Variants in KIF18A observed in about 807,000 individuals in gnomAD.
KIF18A encodes kinesin family member 18A.
In KIF18A, 67 loss-of-function variants were observed where a neutral mutation model predicts 103.3. The observed-to-expected ratio is 0.65, with a 90% CI of 0.53 to 0.79. The LOEUF is 0.79. KIF18A is among the 30% of genes least tolerant of loss of function. The probability of loss-of-function intolerance (pLI) is 0.00; values close to 1 mark genes in which losing one functional copy is unlikely to be tolerated. For synonymous variants in KIF18A, 367 were observed against 355.5 expected (o/e 1.03, Z -0.36); for missense variants, 1,032 against 1,062.5 (o/e 0.97, Z 0.40).
intron 1 of KIF18A, among the ~76,000 whole-genome samples, chr11:28,102,314 A>G (rs1365089954): frequency 6.6e-6 from 1 of 152,222 alleles, no homozygotes; most frequent in Non-Finnish European, 1.5e-5. Flanking sequence ...CCAGGTCTTT[A>G]GACAAACTCA....
At chr11:28,076,281 T>C (rs975702238) in intron 10 of KIF18A, among the ~76,000 whole-genome samples, 1 of 152,148 alleles carries the variant, frequency 6.6e-6, no homozygotes, top group Non-Finnish European at 1.5e-5. Flanking sequence ...ATCTAACAAT[T>C]TCAGTGATAA....
intron 13 of KIF18A, among the ~76,000 whole-genome samples, chr11:28,041,764 T>C (rs1309665189): frequency 1.3e-5 from 2 of 151,778 alleles, no homozygotes; most frequent in Non-Finnish European, 2.9e-5. Context: ...GGAGCAGTGA[T>C]GGAGAGATGT....
chr11:28,043,638 T>A (rs1412856949), intron 13 of KIF18A, among the ~76,000 whole-genome samples: 2 of 149,108 alleles, frequency 1.3e-5, no homozygotes, highest in African/African-American at 2.5e-5. Context: ...TATAAAAAAA[T>A]GTTCATTAAT....
intron 9 of KIF18A, among the ~76,000 whole-genome samples, chr11:28,077,941 G>C (rs932318432): frequency 2.0e-5 from 3 of 152,088 alleles, no homozygotes; most frequent in African/African-American, 7.2e-5. Context: ...AACTCTGGAT[G>C]GAACCTGCAA....
At chr11:28,077,684 A>G (rs1851112051) in intron 9 of KIF18A, among the ~76,000 whole-genome samples, 1 of 152,152 alleles carries the variant, frequency 6.6e-6, no homozygotes, top group Non-Finnish European at 1.5e-5. Flanking sequence ...TGACAGAGCC[A>G]GTTTTTAGCT....
At chr11:28,076,957 C>G in intron 10 of KIF18A, 50 bp downstream of exon 10, 5 of 708,880 alleles carry the variant, frequency 7.1e-6, no homozygotes, top group South Asian at 7.0e-5. Context: ...AAAAAAAAAG[C>G]CCCCATGTTT....
At chr11:28,076,137 T>C (rs1167382246) in intron 10 of KIF18A, among the ~76,000 whole-genome samples, 1 of 151,994 alleles carries the variant, frequency 6.6e-6, no homozygotes, top group Non-Finnish European at 1.5e-5. Flanking sequence ...ATCTAAGTAG[T>C]GATGTAATCA....
chr11:28,075,173 T>C (rs1590697363), intron 10 of KIF18A, among the ~76,000 whole-genome samples: 1 of 152,144 alleles, frequency 6.6e-6, no homozygotes, highest in Admixed American at 6.6e-5. Context: ...ATGAAGTCTA[T>C]CCTTTATACA....
Position 28,097,610 on chromosome 11 carries a change from T to C in KIF18A, c.325+13A>G. 8.5e-6 allele frequency: 13 copies of C among 1,529,740 alleles called. No individual in the cohort carries two copies. Among genetic ancestry groups the C allele is most frequent in the Non-Finnish European group, 1.2e-5 (13 of 1,103,844 alleles). The allele number at this position is 1,529,740 out of a possible 1,614,324, so 94.8% of individuals were successfully genotyped here. A position where few individuals can be genotyped will look rare whatever the true frequency, so the allele number is the denominator to read the frequency against. ...TCGGATAGAGAAATTAAATCCCAAA[T>C]TGAAACAAATACCTGTGCAATTATA... On this transcript the variant is annotated intron_variant, in intron 2 of 16. Coordinates refer to ENST00000263181, the MANE Select transcript of KIF18A (RefSeq NM_031217.4).
intron 5 of KIF18A, 101 bp from the exon 6 acceptor site, chr11:28,088,822 T>G: frequency 1.1e-6 from 1 of 927,830 alleles, no homozygotes; most frequent in Non-Finnish European, 1.7e-6. Context: ...ATTATTTTCA[T>G]TTTAAAAAAC....
chr11:28,036,154 C>A, intron 14 of KIF18A, 63 bp downstream of exon 14: 7 of 1,032,676 alleles, frequency 6.8e-6, no homozygotes, highest in South Asian at 5.8e-5. Context: ...TGAAATAAAC[C>A]TCAACTAATA....
At chr11:28,073,996 A>G (rs536169722) in intron 10 of KIF18A, among the ~76,000 whole-genome samples, 7 of 152,164 alleles carry the variant, frequency 4.6e-5, no homozygotes, top group Non-Finnish European at 8.8e-5. Context: ...CAAAACTGAG[A>G]AGAATTATTA....
chr11:28,062,983 T>C (rs1364639022), intron 11 of KIF18A, among the ~76,000 whole-genome samples: 1 of 152,060 alleles, frequency 6.6e-6, no homozygotes, highest in African/African-American at 2.4e-5. Flanking sequence ...CCAGAACATA[T>C]AGTTTACCAC....
chr11:28,027,432 C>G (rs1213693009), intron 15 of KIF18A, among the ~76,000 whole-genome samples: 2 of 151,616 alleles, frequency 1.3e-5, no homozygotes, highest in East Asian at 1.9e-4. Flanking sequence ...CAGTGCTACT[C>G]AAATCCATGG....
At chr11:28,074,333 T>C (rs1158899732) in intron 10 of KIF18A, among the ~76,000 whole-genome samples, 7 of 152,086 alleles carry the variant, frequency 4.6e-5, no homozygotes, top group Non-Finnish European at 8.8e-5. Flanking sequence ...TTGGAAGTCA[T>C]TACATTTATC....
At chr11:28,056,489 A>C (rs1051663675) in intron 13 of KIF18A, among the ~76,000 whole-genome samples, 10 of 152,116 alleles carry the variant, frequency 6.6e-5, no homozygotes, top group Admixed American at 2.0e-4. Context: ...ATGCAATATA[A>C]TTGGAGTCCC....
intron 15 of KIF18A, among the ~76,000 whole-genome samples, chr11:28,029,045 C>A (rs73434474): frequency 0.14 from 21,548 of 152,036 alleles, 1,718 homozygotes; most frequent in East Asian, 0.28. Context: ...TAATAGCATA[C>A]CAACCGAAAA....
chr11:28,089,910 T>C (rs1241742785), intron 5 of KIF18A, among the ~76,000 whole-genome samples: 3 of 152,192 alleles, frequency 2.0e-5, no homozygotes, highest in Admixed American at 1.3e-4. Context: ...GAAACATTTC[T>C]CTCAAGACTA....
At chr11:28,046,028 A>T (rs1444220808) in intron 13 of KIF18A, among the ~76,000 whole-genome samples, 1 of 151,548 alleles carries the variant, frequency 6.6e-6, no homozygotes, top group Non-Finnish European at 1.5e-5. Context: ...GGCAATCATT[A>T]AAAAGTCAGG....
Sources: allele counts gnomAD v4.1 joint callset (sites outside exome capture counted in the v4.1 genomes callset), GRCh38; gene constraint gnomAD v4.1.1; transcripts MANE v1.5; gene names NCBI Gene and HGNC (gene_info 2026-07-23, HGNC 2026-07-21).